DDX10: variants seen among roughly 807,000 people sequenced by gnomAD.
DDX10 encodes the protein probable ATP-dependent RNA helicase DDX10.
DDX10 carries 74 observed loss-of-function variants against 104.3 expected under a neutral mutation model. The ratio of observed to expected loss-of-function variants is 0.71; its 90% CI spans 0.59 to 0.86. The LOEUF is 0.86. DDX10 is among the 40% of genes least tolerant of loss of function. DDX10 has a pLI of 0.00. For missense variants in DDX10, 952 were observed against 1,040.0 expected, an observed-to-expected ratio of 0.92 and a Z score of 1.16; for synonymous variants, 351 against 353.4, an observed-to-expected ratio of 0.99 and a Z score of 0.08.
chr11:108,878,942 A>G (rs1863188864), intron 16 of DDX10, among the ~76,000 whole-genome samples: 1 of 152,212 alleles, frequency 6.6e-6, no homozygotes, highest in African/African-American at 2.4e-5. Flanking sequence ...AGTGTTCCAC[A>G]TTTGGCACTA....
chr11:108,854,839 A>T (rs1005221841), intron 16 of DDX10, among the ~76,000 whole-genome samples: 1 of 152,198 alleles, frequency 6.6e-6, no homozygotes, highest in African/African-American at 2.4e-5. Flanking sequence ...TTTAGAAATG[A>T]ATCTTCTCTG....
chr11:108,928,069 T>TTCACACCTCTC (rs1201182064), intron 17 of DDX10, among the ~76,000 whole-genome samples: 6 of 152,236 alleles, frequency 3.9e-5, no homozygotes, highest in Non-Finnish European at 7.3e-5. Flanking sequence ...ATTTAAAGTA[T>TTCACACCTCTC]GCTGTTTACC....
intron 9 of DDX10, among the ~76,000 whole-genome samples, chr11:108,704,884 C>T (rs1232977520): frequency 6.6e-6 from 1 of 152,168 alleles, no homozygotes; most frequent in African/African-American, 2.4e-5. Context: ...CAAATGGTGC[C>T]TTATCCCATG....
intron 2 of DDX10, among the ~76,000 whole-genome samples, chr11:108,675,279 CCA>C (rs1249322988): frequency 6.6e-6 from 1 of 151,994 alleles, no homozygotes. Flanking sequence ...TGGATTATAC[CCA>C]GGAGTGGAGT....
chr11:108,820,772 A>G (rs1221181836), intron 13 of DDX10, among the ~76,000 whole-genome samples: 1 of 152,216 alleles, frequency 6.6e-6, no homozygotes, highest in East Asian at 1.9e-4. Context: ...GGCTGCCCAC[A>G]GTGACTCCCG....
chr11:108,870,129 A>G (rs1339022479), intron 16 of DDX10, among the ~76,000 whole-genome samples: 1 of 152,300 alleles, frequency 6.6e-6, no homozygotes, highest in East Asian at 1.9e-4. Context: ...TTGTAAATCT[A>G]CAGTTATTTA....
chr11:108,729,153 C>T (rs1433314419), intron 13 of DDX10, among the ~76,000 whole-genome samples: 1 of 152,032 alleles, frequency 6.6e-6, no homozygotes, highest in Non-Finnish European at 1.5e-5. Context: ...AATTTTACCC[C>T]CAAATGATTA....
intron 13 of DDX10, among the ~76,000 whole-genome samples, chr11:108,773,538 C>T (rs1459473555): frequency 4.6e-5 from 7 of 151,980 alleles, no homozygotes; most frequent in Admixed American, 6.6e-5. Flanking sequence ...CTGCTTCCAA[C>T]TGTGTGTACA....
chr11:108,725,376 CT>C (rs1176623574), intron 13 of DDX10, among the ~76,000 whole-genome samples: 3 of 152,084 alleles, frequency 2.0e-5, no homozygotes, highest in Non-Finnish European at 2.9e-5. Flanking sequence ...GTATATTTAA[CT>C]TTGAGAAACT....
intron 9 of DDX10, among the ~76,000 whole-genome samples, chr11:108,696,321 C>T (rs765572723): frequency 1.3e-5 from 2 of 152,206 alleles, no homozygotes; most frequent in Admixed American, 6.5e-5. Flanking sequence ...GGACTATAGG[C>T]GCGTGCCACC....
intron 13 of DDX10, among the ~76,000 whole-genome samples, chr11:108,807,047 G>C (rs1257673312): frequency 1.3e-5 from 2 of 152,226 alleles, no homozygotes. Flanking sequence ...AGAAGCAGAT[G>C]TCCTAGGTTA....
In DDX10 at chr11:108,723,246, A is replaced by C. The variant is rs2094300891; in HGVS notation, c.1749A>C (p.Glu583Asp). The C allele has an allele frequency of 6.2e-7, 1 of 1,611,990 alleles. No individual in the cohort carries two copies. The stretch of plus-strand genomic sequence containing the variant: ...ATGATACTGGTAATGAAGAACAGGA[A>C]GAAGAAGAAGACGATGAAGAAGAAA... The part of the protein sequence containing the change: ...QDNDTGNEEQ[E>D]EEEDDEEEME... Residue 583 changes from glutamate to aspartate, a missense_variant, in exon 13 of 18, where the codon GAA (glutamate) becomes GAC (aspartate). Around this residue, in one of 3 missense-constraint regions of DDX10, gnomAD observed 533 missense variants for 534.1 expected, o/e 1.00. Coordinates refer to ENST00000322536, the MANE Select transcript of DDX10 (RefSeq NM_004398.4).
rs1217788777 is a variant in DDX10 at position 108,771,588 on chromosome 11, G to A, written c.1965+48126G>A. Among the ~76,000 whole-genome samples the A allele has an allele frequency of 2.0e-5, 3 of 152,026 alleles. No homozygotes were observed. In the East Asian group the frequency reaches 5.8e-4, roughly 29 times the overall value. ...TCTCGATCTCCTGACCTCGTGATCC[G>A]TCCGCCTCAGTCTCACTGTGCAGAA... On this transcript the variant is annotated intron_variant, in intron 13 of 17. Coordinates refer to ENST00000322536, the MANE Select transcript of DDX10 (RefSeq NM_004398.4).
intron 16 of DDX10, chr11:108,860,733 A>G (rs1863366): frequency 0.5 from 76,345 of 151,708 alleles, 20,963 homozygotes; most frequent in Non-Finnish European, 0.62. Context: ...TTTAGTAGAG[A>G]CAGAGTTTTG....
At chr11:108,771,361 CT>C (rs941618211) in intron 13 of DDX10, among the ~76,000 whole-genome samples, 6 of 150,188 alleles carry the variant, frequency 4.0e-5, no homozygotes, top group African/African-American at 1.5e-4. Flanking sequence ...TCTTTTTTTT[CT>C]TTTTTTCTTT....
intron 6 of DDX10, among the ~76,000 whole-genome samples, chr11:108,687,208 G>A (rs545452778): frequency 1.2e-4 from 19 of 152,204 alleles, no homozygotes; most frequent in African/African-American, 2.2e-4. Flanking sequence ...GTTTGGTGTC[G>A]TCACTGTTCT....
chr11:108,712,992 C>G (rs1591798414), intron 10 of DDX10, among the ~76,000 whole-genome samples: 2 of 152,246 alleles, frequency 1.3e-5, no homozygotes, highest in South Asian at 4.1e-4. Context: ...TTTCATTTCA[C>G]TCTCTCCTTG....
chr11:108,787,646 T>C (rs1419544370), intron 13 of DDX10, among the ~76,000 whole-genome samples: 1 of 152,126 alleles, frequency 6.6e-6, no homozygotes, highest in African/African-American at 2.4e-5. Flanking sequence ...CTTTTGATTG[T>C]AAGGGGCTGG....
rs1379323422 is a variant in DDX10 at position 108,708,179 on chromosome 11, G to A, written c.1322+1342G>A. On this transcript the variant is annotated intron_variant, in intron 10 of 17. Coordinates refer to ENST00000322536, the MANE Select transcript of DDX10 (RefSeq NM_004398.4). ...TGTAGATATTCTTTATCAAGGTGAG[G>A]AAATTGTCCTCTATTCCTAGTTTAC... Among the ~76,000 whole-genome samples, 3 of 147,736 alleles carry A rather than the reference G, an allele frequency of 2.0e-5. No homozygotes were observed. The East Asian group carries it at 5.9e-4, about 29-fold the overall frequency.
Sources: gnomAD v4.1 joint callset for allele counts (sites outside exome capture counted in the v4.1 genomes callset) on GRCh38, gnomAD v4.1.1 for gene constraint, gnomAD v4.1.1 regional missense constraint, MANE v1.5 for transcripts, NCBI Gene and HGNC (gene_info 2026-07-23, HGNC 2026-07-21) for gene names.